Variants in GRIP1 observed in about 807,000 individuals in gnomAD.
The protein encoded by GRIP1 is glutamate receptor-interacting protein 1.
GRIP1 carries 45 observed loss-of-function variants against 129.9 expected under a neutral mutation model. The observed-to-expected ratio is 0.35, with a 90% CI of 0.27 to 0.44. The LOEUF (loss-of-function observed/expected upper bound fraction) is 0.44, where lower values mean the gene tolerates loss of function less well. GRIP1 is among the 20% of genes least tolerant of loss of function. The probability of loss-of-function intolerance (pLI) is 1.00; values close to 1 mark genes in which losing one functional copy is unlikely to be tolerated. For synonymous variants in GRIP1, 530 were observed against 520.8 expected (o/e 1.02, Z -0.24); for missense variants, 1,196 against 1,396.8 (o/e 0.86, Z 2.29).
chr12:66,644,636 T>G (rs1225106362), intron 1 of GRIP1, among the ~76,000 whole-genome samples: 2 of 152,238 alleles, frequency 1.3e-5, no homozygotes, highest in Non-Finnish European at 1.5e-5. Flanking sequence ...ATCACATCTC[T>G]GCATTTATCA....
In GRIP1 at chr12:66,628,652, A is replaced by T. The variant is rs993638855; in HGVS notation, c.56-31725T>A. ...ATATAAATCAGGGCACCTCTCCACC[A>T]GGGGTGAATTTGCTCCTTTCCTGAG... On this transcript the variant is annotated intron_variant, in intron 1 of 24. Coordinates refer to ENST00000359742, the MANE Select transcript of GRIP1 (RefSeq NM_001366722.1). 3.3e-5 allele frequency among the ~76,000 whole-genome samples: 5 copies of T among 152,178 alleles called. No homozygotes were observed. In the East Asian group the frequency reaches 9.6e-4, roughly 29 times the overall value.
intron 1 of GRIP1, among the ~76,000 whole-genome samples, chr12:67,032,227 G>A (rs2135782000): frequency 6.6e-6 from 1 of 152,240 alleles, no homozygotes. Context: ...TTTCCCTGTA[G>A]AAGCTTCGCA....
rs550256080 is a variant in GRIP1, at chr12:66,589,546, G to T, written c.136+7301C>A. 3.9e-5 allele frequency among the ~76,000 whole-genome samples: 6 copies of T among 152,058 alleles called. No homozygotes were observed. The South Asian group carries it at 1.2e-3, about 32-fold the overall frequency. Reference sequence around the variant, plus strand: ...AAAGTAGGTGTGTATAAATATTGATGGATGCAAGATGATTTAAGGTGACAT... The same window carrying T: ...AAAGTAGGTGTGTATAAATATTGATTGATGCAAGATGATTTAAGGTGACAT... On this transcript the variant is annotated intron_variant, in intron 2 of 24. Transcript: ENST00000359742.
At chr12:66,435,841 A>C (rs1180925868) in intron 13 of GRIP1, among the ~76,000 whole-genome samples, 1 of 152,234 alleles carries the variant, frequency 6.6e-6, no homozygotes, top group Non-Finnish European at 1.5e-5. Context: ...CATAATGATG[A>C]ACAAATATCA....
intron 7 of GRIP1, among the ~76,000 whole-genome samples, chr12:66,483,912 T>G (rs914777039): frequency 1.3e-5 from 2 of 151,542 alleles, no homozygotes; most frequent in African/African-American, 4.8e-5. Context: ...CAGGCTGGAG[T>G]GCAGTGGCGG....
chr12:66,350,840 A>C (rs1421633852), intron 24 of GRIP1, among the ~76,000 whole-genome samples: 1 of 152,284 alleles, frequency 6.6e-6, no homozygotes, highest in Admixed American at 6.5e-5. Flanking sequence ...TTGCCTTTCT[A>C]TGTTACCAAT....
At chr12:66,806,618 A>G (rs2038998186), upstream of GRIP1, among the ~76,000 whole-genome samples, 1 of 151,954 alleles carries the variant, frequency 6.6e-6, no homozygotes, top group African/African-American at 2.4e-5. Context: ...TCCCTTTTGC[A>G]TAGAACAACT....
chr12:66,751,458 A>G (rs1490622356), intron 1 of GRIP1, among the ~76,000 whole-genome samples: 2 of 152,176 alleles, frequency 1.3e-5, no homozygotes, highest in Admixed American at 6.5e-5. Context: ...CAGAAATTAA[A>G]GGTAAAAACA....
chr12:66,928,714 CA>C (rs1163716026), intron 1 of GRIP1, among the ~76,000 whole-genome samples: 2 of 152,104 alleles, frequency 1.3e-5, no homozygotes, highest in African/African-American at 2.4e-5. Context: ...AGTAGCTTGT[CA>C]AAAGCATGAA....
intron 4 of GRIP1, 65 bp from the exon 5 acceptor site, chr12:66,529,979 A>C (rs1032209405): frequency 1.0e-6 from 1 of 988,020 alleles, no homozygotes; most frequent in Non-Finnish European, 1.6e-6. Context: ...TAAATCATTC[A>C]ATGTGGCATA....
intron 7 of GRIP1, among the ~76,000 whole-genome samples, chr12:66,488,608 A>G (rs1286291339): frequency 2.6e-5 from 4 of 152,232 alleles, no homozygotes; most frequent in African/African-American, 9.6e-5. Context: ...GCAGAGGACA[A>G]GAAATAACCA....
intron 3 of GRIP1, among the ~76,000 whole-genome samples, chr12:66,539,848 A>T (rs1487333361): frequency 6.6e-6 from 1 of 152,086 alleles, no homozygotes; most frequent in East Asian, 1.9e-4. Context: ...TCTCTATACC[A>T]CCATAACAGA....
intron 1 of GRIP1, among the ~76,000 whole-genome samples, chr12:66,765,497 T>C (rs1402684269): frequency 6.6e-6 from 1 of 152,194 alleles, no homozygotes; most frequent in Non-Finnish European, 1.5e-5. Context: ...AGATCTTACT[T>C]AAAATCAAGA....
chr12:66,636,344 T>C (rs4604968), intron 1 of GRIP1, among the ~76,000 whole-genome samples: 84,937 of 151,998 alleles, frequency 0.56, 24,800 homozygotes, highest in African/African-American at 0.73. Context: ...TTAACGGTTG[T>C]ACAACCATAT....
At chr12:66,844,113 C>T (rs893736569) in intron 1 of GRIP1, among the ~76,000 whole-genome samples, 1 of 152,080 alleles carries the variant, frequency 6.6e-6, no homozygotes, top group Non-Finnish European at 1.5e-5. Flanking sequence ...CAACAAAAAT[C>T]AACCTGATTT....
At chr12:66,892,597 C>T (rs374828058) in intron 1 of GRIP1, among the ~76,000 whole-genome samples, 2 of 130,038 alleles carry the variant, frequency 1.5e-5, no homozygotes, top group Non-Finnish European at 3.5e-5. Flanking sequence ...TATATATATA[C>T]ACATATATAC....
At position 66,589,338 on chromosome 12, in the gene GRIP1, T is replaced by C. The variant is rs149671568; in HGVS notation, c.136+7509A>G. Among the ~76,000 whole-genome samples the C allele has an allele frequency of 8.5e-5, 13 of 152,228 alleles. No homozygotes were observed. The East Asian group carries it at 2.5e-3, about 29-fold the overall frequency. On this transcript the variant is annotated intron_variant, in intron 2 of 24. Coordinates refer to ENST00000359742, the MANE Select transcript of GRIP1 (RefSeq NM_001366722.1). Reference sequence around the variant, plus strand: ...TGGCGTAATATTGTTCAACTTCCTCTTTCTCTTTTCTCGTTTCTTTTCATT... The same window carrying C: ...TGGCGTAATATTGTTCAACTTCCTCCTTCTCTTTTCTCGTTTCTTTTCATT...
At chr12:66,757,410 A>T (rs1337825231) in intron 1 of GRIP1, among the ~76,000 whole-genome samples, 2 of 152,072 alleles carry the variant, frequency 1.3e-5, no homozygotes, top group African/African-American at 4.8e-5. Flanking sequence ...AAATAATAAG[A>T]TCTCATTTTT....
intron 1 of GRIP1, among the ~76,000 whole-genome samples, chr12:67,000,187 A>G (rs1368066549): frequency 6.6e-6 from 1 of 152,190 alleles, no homozygotes; most frequent in African/African-American, 2.4e-5. Flanking sequence ...GGTCTAGCAC[A>G]GTATTTTATA....
Sources: gnomAD v4.1 joint callset for allele counts (sites outside exome capture counted in the v4.1 genomes callset) on GRCh38, gnomAD v4.1.1 for gene constraint, MANE v1.5 for transcripts, NCBI Gene and HGNC (gene_info 2026-07-23, HGNC 2026-07-21) for gene names.